The following THOC7 variants were observed in gnomAD, a reference collection of about 807,000 sequenced individuals.
The protein encoded by THOC7 is NIF3L1-binding protein 1.
Under a neutral mutation model 33.1 loss-of-function variants are expected in THOC7, and 22 were observed. That is an observed-to-expected ratio of 0.66 (90% CI 0.47 to 0.95). The LOEUF (loss-of-function observed/expected upper bound fraction) is 0.95, where lower values mean the gene tolerates loss of function less well. Among genes scored for constraint, THOC7 ranks in the 40% least tolerant of loss-of-function variants. The pLI is 0.00. For synonymous variants in THOC7, 77 were observed against 76.8 expected (o/e 1.00, Z -0.01); for missense variants, 184 against 245.3 (o/e 0.75, Z 1.67).
At chr3:63,844,914 G>C (rs1424941031) in intron 1 of THOC7, 1 of 545,768 alleles carries the variant, frequency 1.8e-6, no homozygotes, top group Non-Finnish European at 3.3e-6. Flanking sequence ...CAGTGTGGCT[G>C]TTGCTATAAT....
intron 1 of THOC7, among the ~76,000 whole-genome samples, chr3:63,846,663 G>A (rs923696389): frequency 6.6e-6 from 1 of 151,984 alleles, no homozygotes; most frequent in Non-Finnish European, 1.5e-5. Flanking sequence ...CACCCACCTC[G>A]GCCTCCTAAA....
At chr3:63,840,259 A>G (rs140452899) in intron 1 of THOC7, among the ~76,000 whole-genome samples, 25 of 152,328 alleles carry the variant, frequency 1.6e-4, no homozygotes, top group African/African-American at 5.5e-4. Flanking sequence ...GGAAATATTT[A>G]AAAGATGTAG....
intron 1 of THOC7, among the ~76,000 whole-genome samples, chr3:63,849,865 G>A (rs1163745810): frequency 1.3e-5 from 2 of 151,984 alleles, no homozygotes; most frequent in Admixed American, 6.6e-5. Flanking sequence ...TAACAAAAAC[G>A]GCTGTTTCTC....
chr3:63,853,642 C>T (rs1179093733), intron 1 of THOC7, among the ~76,000 whole-genome samples: 1 of 152,236 alleles, frequency 6.6e-6, no homozygotes, highest in Non-Finnish European at 1.5e-5. Flanking sequence ...GGCACTATGG[C>T]TCACGCCTGT....
chr3:63,863,854 AG>A, upstream of THOC7: 4 of 1,207,318 alleles, frequency 3.3e-6, no homozygotes, highest in Non-Finnish European at 4.1e-6. Context: ...GCGGCGGCGG[AG>A]GTCAAACTCC....
chr3:63,862,078 A>G (rs1702234712), intron 1 of THOC7, among the ~76,000 whole-genome samples: 1 of 152,142 alleles, frequency 6.6e-6, no homozygotes, highest in Non-Finnish European at 1.5e-5. Context: ...GGCGTGAGCC[A>G]CTGTGCCCGG....
At chr3:63,835,091 G>A in intron 7 of THOC7, 63 bp downstream of exon 7, 2 of 1,499,050 alleles carry the variant, frequency 1.3e-6, no homozygotes, top group Non-Finnish European at 1.8e-6. Context: ...ATTTCAAAAG[G>A]TACATCCCTG....
At chr3:63,844,978 G>C in intron 1 of THOC7, 1 of 665,620 alleles carries the variant, frequency 1.5e-6, no homozygotes, top group Non-Finnish European at 2.7e-6. Flanking sequence ...CATAAATAAA[G>C]ACAATTGAGA....
At chr3:63,859,687 G>T (rs1702170918) in intron 1 of THOC7, among the ~76,000 whole-genome samples, 1 of 152,214 alleles carries the variant, frequency 6.6e-6, no homozygotes, top group Admixed American at 6.5e-5. Context: ...CAAAGCAGGG[G>T]CCAGGGCCCT....
Position 63,863,797 on chromosome 3 carries a change from C to CGCGGCGGCG in THOC7, c.-8_-7insCGCCGCCGC, listed in dbSNP as rs546741642. ...CGTCAGTCACGGCTCCCATGGCGTGCGCGGCGGCGGCGGCGGCGGCGGCGG... is the reference window on the plus strand; with the variant it reads ...CGTCAGTCACGGCTCCCATGGCGTGCGCGGCGGCGGCGGCGGCGGCGGCGGCGGCGGCGG... On this transcript the variant is annotated 5_prime_UTR_variant, in exon 1 of 8. Transcript: ENST00000295899. The CGCGGCGGCG allele has an allele frequency of 3.0e-4, 378 of 1,245,706 alleles. No individual in the cohort carries two copies. Among genetic ancestry groups the CGCGGCGGCG allele is most frequent in the Middle Eastern group, 9.4e-4 (3 of 3,200 alleles). 77.2% of individuals were successfully genotyped at this position (1,245,706 alleles called of 1,614,324 possible).
chr3:63,842,416 A>C (rs943188102), intron 1 of THOC7, among the ~76,000 whole-genome samples: 3 of 152,152 alleles, frequency 2.0e-5, no homozygotes, highest in African/African-American at 7.2e-5. Context: ...GTCCTCAAAA[A>C]ACTGAAAATA....
At chr3:63,852,393 T>A (rs1367681852) in intron 1 of THOC7, among the ~76,000 whole-genome samples, 1 of 152,096 alleles carries the variant, frequency 6.6e-6, no homozygotes, top group Non-Finnish European at 1.5e-5. Context: ...GACTGGAAGA[T>A]TGGAGATTAT....
intron 1 of THOC7, among the ~76,000 whole-genome samples, chr3:63,857,286 G>A (rs541917646): frequency 1.3e-5 from 2 of 152,202 alleles, no homozygotes; most frequent in South Asian, 4.2e-4. Context: ...TAGTAACAGT[G>A]GTTAACTGGG....
At chr3:63,862,928 C>T (rs1702261827) in intron 1 of THOC7, among the ~76,000 whole-genome samples, 1 of 152,072 alleles carries the variant, frequency 6.6e-6, no homozygotes, top group Non-Finnish European at 1.5e-5. Flanking sequence ...GTCCACAAAC[C>T]CAGCCTTTGC....
chr3:63,834,418 G>A (rs1701586079), intron 7 of THOC7, among the ~76,000 whole-genome samples: 1 of 151,702 alleles, frequency 6.6e-6, no homozygotes, highest in Admixed American at 6.6e-5. Flanking sequence ...CCAGCACTTT[G>A]GGAGGCCAAG....
At chr3:63,838,522 A>G (rs375562561) in intron 2 of THOC7, 23 bp from the exon 3 acceptor site, 3 of 1,576,004 alleles carry the variant, frequency 1.9e-6, no homozygotes, top group Non-Finnish European at 2.6e-6. Flanking sequence ...AAAGAAAACC[A>G]AAATAAAGAT....
chr3:63,840,508 T>G (rs1426093272), intron 1 of THOC7, among the ~76,000 whole-genome samples: 1 of 152,126 alleles, frequency 6.6e-6, no homozygotes, highest in Non-Finnish European at 1.5e-5. Flanking sequence ...GGAGGATCAC[T>G]TGAGCCTCGG....
chr3:63,863,738 C>A, intron 1 of THOC7, 34 bp downstream of exon 1: 1 of 1,249,370 alleles, frequency 8.0e-7, no homozygotes, highest in South Asian at 3.7e-5. Flanking sequence ...GCGGGCCGTG[C>A]AGCGGGCGCG....
At chr3:63,834,273 A>T in intron 7 of THOC7, 74 bp from the exon 8 acceptor site, 1 of 1,435,586 alleles carries the variant, frequency 7.0e-7, no homozygotes, top group Middle Eastern at 1.8e-4. Flanking sequence ...ACATGAAAAC[A>T]TGTTTATCCT....
Sources: allele counts gnomAD v4.1 joint callset (sites outside exome capture counted in the v4.1 genomes callset), GRCh38; gene constraint gnomAD v4.1.1; transcripts MANE v1.5; gene names NCBI Gene and HGNC (gene_info 2026-07-23, HGNC 2026-07-21).